EHBP1: variants seen among roughly 807,000 people sequenced by gnomAD.
The protein encoded by EHBP1 is EH domain binding protein 1.
A neutral mutation model predicts 144.0 loss-of-function variants in EHBP1; 55 were observed. The ratio of observed to expected loss-of-function variants is 0.38; its 90% CI spans 0.31 to 0.48. The LOEUF is 0.48. Among genes scored for constraint, EHBP1 ranks in the 20% least tolerant of loss-of-function variants. The pLI is 0.98. For missense variants in EHBP1, 1,200 were observed against 1,364.2 expected (o/e 0.88, Z 1.90); for synonymous variants, 469 against 472.7 (o/e 0.99, Z 0.10).
At chr2:62,985,054 C>T (rs921751869) in intron 15 of EHBP1, among the ~76,000 whole-genome samples, 14 of 152,146 alleles carry the variant, frequency 9.2e-5, no homozygotes, top group Non-Finnish European at 2.1e-4. Context: ...TATCCCTTCT[C>T]CCACAGCCCA....
At chr2:62,813,055 C>A (rs1028971731) in intron 5 of EHBP1, among the ~76,000 whole-genome samples, 1 of 152,164 alleles carries the variant, frequency 6.6e-6, no homozygotes, top group African/African-American at 2.4e-5. Context: ...TTCCAGGCTG[C>A]CTGTCCCATC....
At chr2:62,746,284 G>A (rs953955727) in intron 2 of EHBP1, among the ~76,000 whole-genome samples, 1 of 151,808 alleles carries the variant, frequency 6.6e-6, no homozygotes, top group African/African-American at 2.4e-5. Context: ...TTCTTTTAAC[G>A]GTTGTTTGTT....
intron 19 of EHBP1, among the ~76,000 whole-genome samples, chr2:63,034,934 C>T (rs2061394732): frequency 2.0e-5 from 3 of 151,894 alleles, no homozygotes; most frequent in African/African-American, 7.2e-5. Context: ...TGCATTCTGC[C>T]CTTTAAAAGT....
chr2:62,764,259 C>T lies in EHBP1; in HGVS notation c.163-7C>T, dbSNP rs2040997456. 7.1e-6 allele frequency: 11 copies of T among 1,545,640 alleles called. No homozygotes were observed. The highest frequency in any genetic ancestry group is 7.0e-5 in the African/African-American group (5 of 71,034). ...TCATATTGAAGGTATCATTTTTATT[C>T]TGGTAGGCACATAGCTGGCAACCTG... On this transcript the variant is annotated splice_polypyrimidine_tract_variant and splice_region_variant and intron_variant, in intron 3 of 22. Coordinates refer to ENST00000431489, the MANE Select transcript of EHBP1 (RefSeq NM_001142616.3).
At chr2:62,785,460 A>G (rs1361705057) in intron 5 of EHBP1, among the ~76,000 whole-genome samples, 1 of 152,046 alleles carries the variant, frequency 6.6e-6, no homozygotes, top group Non-Finnish European at 1.5e-5. Context: ...CTTCTTAGTG[A>G]CTCATTTCAA....
chr2:62,863,199 C>T (rs183213155), intron 8 of EHBP1, among the ~76,000 whole-genome samples: 47 of 152,232 alleles, frequency 3.1e-4, no homozygotes, highest in African/African-American at 7.2e-4. Flanking sequence ...GGGAGAAATT[C>T]GCTTGAACTG....
At chr2:62,791,866 T>C (rs1330972035) in intron 5 of EHBP1, among the ~76,000 whole-genome samples, 2 of 152,002 alleles carry the variant, frequency 1.3e-5, no homozygotes, top group South Asian at 2.1e-4. Flanking sequence ...AGTTTAGATA[T>C]CTAGAGATTG....
chr2:62,874,039 A>G (rs1055176551), intron 9 of EHBP1, among the ~76,000 whole-genome samples: 3 of 152,196 alleles, frequency 2.0e-5, no homozygotes, highest in African/African-American at 7.2e-5. Context: ...TTCCTTGGAT[A>G]TGGAAAATAT....
intron 6 of EHBP1, among the ~76,000 whole-genome samples, chr2:62,829,181 C>A (rs1002568630): frequency 6.6e-6 from 1 of 151,172 alleles, no homozygotes; most frequent in Non-Finnish European, 1.5e-5. Flanking sequence ...AGCACAGAAT[C>A]GAACTAATTC....
chr2:62,948,639 A>G lies in EHBP1; in HGVS notation c.1793A>G (p.Asp598Gly), dbSNP rs750202815. The change falls in exon 13 of 23, where the codon GAT becomes GGT. Residue 598 changes from aspartate to glycine, a missense_variant. This residue lies in a region of EHBP1 where 543 missense variants were observed against 513.1 expected (regional missense o/e 1.06). Transcript: ENST00000431489. Reference sequence around the variant, plus strand: ...GAAAGTGAGCATCAAACTCCTGATGATCACCTTAGTCCAAGCACAGCCTCC... The same window carrying G: ...GAAAGTGAGCATCAAACTCCTGATGGTCACCTTAGTCCAAGCACAGCCTCC... ...ESESEHQTPD[D>G]HLSPSTASPY... 7 of 1,613,966 alleles carry G rather than the reference A, an allele frequency of 4.3e-6. No individual in the cohort carries two copies. Among genetic ancestry groups the G allele is most frequent in the South Asian group, 1.1e-5 (1 of 91,084 alleles).
intron 2 of EHBP1, among the ~76,000 whole-genome samples, chr2:62,734,694 A>G (rs960477557): frequency 2.0e-5 from 3 of 151,818 alleles, no homozygotes; most frequent in African/African-American, 2.4e-5. Context: ...ACTGTTCTCT[A>G]TTTGTTGCCT....
At chr2:62,998,142 C>T (rs912342426) in intron 19 of EHBP1, among the ~76,000 whole-genome samples, 3 of 151,984 alleles carry the variant, frequency 2.0e-5, no homozygotes, top group Non-Finnish European at 2.9e-5. Flanking sequence ...CATGGTAGAC[C>T]TTAGATTGGA....
At chr2:62,832,438 C>CTTT (rs202005406) in intron 7 of EHBP1, among the ~76,000 whole-genome samples, 1 of 117,820 alleles carries the variant, frequency 8.5e-6, no homozygotes, top group Non-Finnish European at 1.8e-5. Flanking sequence ...TTTCTTTTTT[C>CTTT]TTTTTTTTTT....
chr2:62,768,801 A>G (rs924883812), intron 4 of EHBP1, among the ~76,000 whole-genome samples: 2 of 152,248 alleles, frequency 1.3e-5, no homozygotes, highest in East Asian at 3.8e-4. Flanking sequence ...CAGCACATCA[A>G]AAAGCTAATC....
chr2:62,682,781 A>G (rs2033575582), intron 1 of EHBP1, among the ~76,000 whole-genome samples: 3 of 152,156 alleles, frequency 2.0e-5, no homozygotes, highest in Admixed American at 1.3e-4. Flanking sequence ...TTTGGAGAAT[A>G]TTTTCATTAT....
intron 2 of EHBP1, among the ~76,000 whole-genome samples, chr2:62,742,175 G>C (rs2136737): frequency 0.33 from 49,763 of 151,904 alleles, 8,238 homozygotes; most frequent in Middle Eastern, 0.55. Flanking sequence ...ACTCCATGAT[G>C]TTTGCACAGA....
At chr2:62,752,828 G>A (rs1367309394) in intron 3 of EHBP1, among the ~76,000 whole-genome samples, 1 of 151,970 alleles carries the variant, frequency 6.6e-6, no homozygotes, top group Non-Finnish European at 1.5e-5. Flanking sequence ...TGCAACCCTT[G>A]CCTTTTTTTA....
chr2:62,906,008 T>TAA (rs57935133), intron 10 of EHBP1, among the ~76,000 whole-genome samples: 7 of 151,534 alleles, frequency 4.6e-5, no homozygotes, highest in Admixed American at 2.6e-4. Flanking sequence ...ACGTTGTATA[T>TAA]AAAAAAAAAC....
At chr2:62,924,196 C>T (rs1020256877) in intron 10 of EHBP1, among the ~76,000 whole-genome samples, 2 of 152,202 alleles carry the variant, frequency 1.3e-5, no homozygotes, top group Non-Finnish European at 2.9e-5. Context: ...CAGCCCTATG[C>T]TTGTTCTCCC....
Sources: gnomAD v4.1 joint callset for allele counts (sites outside exome capture counted in the v4.1 genomes callset) on GRCh38, gnomAD v4.1.1 for gene constraint, gnomAD v4.1.1 regional missense constraint, MANE v1.5 for transcripts, NCBI Gene and HGNC (gene_info 2026-07-23, HGNC 2026-07-21) for gene names.